AFG2A: variants seen among roughly 807,000 people sequenced by gnomAD.
The protein encoded by AFG2A is AAA ATPase AFG2A.
the AFG2A span, among the ~76,000 whole-genome samples, chr4:123,289,066 G>A: frequency 1.3e-5 from 2 of 152,070 alleles, no homozygotes; most frequent in Non-Finnish European, 2.9e-5. Context: ...TTGGTTACAT[G>A]GATAAATTGT....
At chr4:123,183,457 T>C in the AFG2A span, among the ~76,000 whole-genome samples, 2 of 152,188 alleles carry the variant, frequency 1.3e-5, no homozygotes, top group Non-Finnish European at 2.9e-5. Flanking sequence ...AAATAGAACG[T>C]GAATAAAAGT....
At chr4:122,979,323 C>T in the AFG2A span, 2 of 1,614,200 alleles carry the variant, frequency 1.2e-6, no homozygotes, top group Non-Finnish European at 1.7e-6. Context: ...TGAAGGATTT[C>T]TTGCAGGCAA....
the AFG2A span, among the ~76,000 whole-genome samples, chr4:123,034,325 T>C: frequency 1.2e-4 from 18 of 151,950 alleles, no homozygotes; most frequent in East Asian, 3.5e-3. Context: ...GATAATGTGG[T>C]GATAATAGCA....
chr4:123,064,153 C>T, the AFG2A span, among the ~76,000 whole-genome samples: 1 of 152,034 alleles, frequency 6.6e-6, no homozygotes, highest in African/African-American at 2.4e-5. Flanking sequence ...AATTACGGCA[C>T]CTTTGAATAA....
the AFG2A span, among the ~76,000 whole-genome samples, chr4:123,243,712 G>C: frequency 6.6e-6 from 1 of 151,918 alleles, no homozygotes; most frequent in Admixed American, 6.6e-5. Context: ...AAACCTGCAC[G>C]TTGTGCACAT....
At chr4:123,127,675 T>C in the AFG2A span, among the ~76,000 whole-genome samples, 718 of 152,304 alleles carry the variant, frequency 4.7e-3, 7 homozygotes, top group African/African-American at 0.017. Flanking sequence ...AGAAGCAGTA[T>C]TTCTGTTAAA....
chr4:123,226,021 T>C, the AFG2A span, among the ~76,000 whole-genome samples: 1 of 152,202 alleles, frequency 6.6e-6, no homozygotes, highest in Non-Finnish European at 1.5e-5. Flanking sequence ...TTGTCTGTTA[T>C]TGGTGTATAA....
the AFG2A span, among the ~76,000 whole-genome samples, chr4:122,973,088 T>C: frequency 6.6e-6 from 1 of 152,184 alleles, no homozygotes; most frequent in Non-Finnish European, 1.5e-5. Flanking sequence ...AATTTTGTTA[T>C]CAGGCATGTA....
chr4:123,163,116 C>T, the AFG2A span, among the ~76,000 whole-genome samples: 1 of 152,134 alleles, frequency 6.6e-6, no homozygotes, highest in Admixed American at 6.5e-5. Flanking sequence ...ATTAACCAAG[C>T]TGAACTCAGA....
the AFG2A span, among the ~76,000 whole-genome samples, chr4:123,212,310 T>C: frequency 6.6e-6 from 1 of 152,164 alleles, no homozygotes; most frequent in Non-Finnish European, 1.5e-5. Flanking sequence ...CTATTGAACG[T>C]GAAACCTTCT....
the AFG2A span, among the ~76,000 whole-genome samples, chr4:123,229,166 G>T: frequency 2.6e-5 from 4 of 151,942 alleles, no homozygotes; most frequent in African/African-American, 7.2e-5. Flanking sequence ...TAGTCTAAGT[G>T]TTCTGAATAA....
the AFG2A span, among the ~76,000 whole-genome samples, chr4:123,034,250 G>A: frequency 6.6e-6 from 1 of 151,908 alleles, no homozygotes; most frequent in Non-Finnish European, 1.5e-5. Flanking sequence ...TGTGCATTTT[G>A]GTATTCACAG....
At chr4:123,037,195 G>T in the AFG2A span, among the ~76,000 whole-genome samples, 3 of 152,006 alleles carry the variant, frequency 2.0e-5, no homozygotes, top group Non-Finnish European at 4.4e-5. Flanking sequence ...GGGCAAAATT[G>T]TAAGAACATG....
the AFG2A span, among the ~76,000 whole-genome samples, chr4:123,134,380 C>A: frequency 2.0e-5 from 3 of 152,210 alleles, no homozygotes; most frequent in Admixed American, 6.5e-5. Flanking sequence ...ATTGTATGTT[C>A]TTGGCATCAT....
At chr4:123,074,762 CTCT>C in the AFG2A span, among the ~76,000 whole-genome samples, 10 of 152,114 alleles carry the variant, frequency 6.6e-5, no homozygotes, top group African/African-American at 2.2e-4. Context: ...AGGATCTCTC[CTCT>C]TCTTAAGAGA....
At chr4:123,195,844 T>C in the AFG2A span, among the ~76,000 whole-genome samples, 1 of 152,296 alleles carries the variant, frequency 6.6e-6, no homozygotes, top group Non-Finnish European at 1.5e-5. Context: ...CTGGAAATGC[T>C]GGTAATTTAT....
chr4:123,186,531 T>C, the AFG2A span, among the ~76,000 whole-genome samples: 54 of 152,340 alleles, frequency 3.5e-4, no homozygotes, highest in African/African-American at 1.3e-3. Context: ...GGAAATGCTC[T>C]TCTCATTTGT....
the AFG2A span, among the ~76,000 whole-genome samples, chr4:123,238,823 A>G: frequency 6.6e-6 from 1 of 152,208 alleles, no homozygotes; most frequent in Admixed American, 6.5e-5. Flanking sequence ...ACAAAGCTGG[A>G]TGGAGAATGA....
the AFG2A span, among the ~76,000 whole-genome samples, chr4:122,924,158 T>C: frequency 6.6e-6 from 1 of 152,244 alleles, no homozygotes; most frequent in Non-Finnish European, 1.5e-5. Context: ...GGACAACTTG[T>C]TCTGTCCTGA....
Sources: gnomAD v4.1 joint callset for allele counts (sites outside exome capture counted in the v4.1 genomes callset) on GRCh38, gnomAD v4.1.1 for gene constraint, MANE v1.5 for transcripts, NCBI Gene and HGNC (gene_info 2026-07-23, HGNC 2026-07-21) for gene names.